The following FAT1 variants were observed in gnomAD, a reference collection of about 807,000 sequenced individuals.
FAT1 encodes FAT atypical cadherin 1.
FAT1 carries 171 observed loss-of-function variants against 329.8 expected under a neutral mutation model. The observed-to-expected ratio is 0.52, with a 90% CI of 0.46 to 0.59. The LOEUF is 0.59. Among genes scored for constraint, FAT1 ranks in the 20% least tolerant of loss-of-function variants. FAT1 has a pLI of 0.00. For missense variants in FAT1, 5,672 were observed against 5,774.4 expected (o/e 0.98, Z 0.57); for synonymous variants, 2,233 against 2,228.6 (o/e 1.00, Z -0.06).
rs772054594 is a variant in FAT1 at position 186,588,875 on chromosome 4, G to A, written c.13484C>T (p.Pro4495Leu). The change falls in exon 27 of 27, where the codon CCC becomes CTC. Residue 4495 changes from proline (P) to leucine (L), a missense_variant. Pro to Leu is a moderately conservative substitution (Grantham distance 98). Around this residue, in one of 2 missense-constraint regions of FAT1, gnomAD observed 1,706 missense variants for 1,859.1 expected, o/e 0.92. Coordinates refer to ENST00000441802, the MANE Select transcript of FAT1 (RefSeq NM_005245.4). Reference protein sequence around the residue: ...NLNQYLPNFYPLDMSEPQTKG... With the variant: ...NLNQYLPNFYLLDMSEPQTKG... ...TGTTTGAGGTTCAGACATATCGAGG[G>A]GATAAAAATTGGGCAAATACTGATT... 1.6e-5 allele frequency: 26 copies of A among 1,613,814 alleles called. No individual in the cohort carries two copies. The East Asian group carries it at 4.7e-4, about 29-fold the overall frequency.
intron 2 of FAT1, among the ~76,000 whole-genome samples, chr4:186,688,354 T>C (rs1385907100): frequency 6.6e-6 from 1 of 152,084 alleles, no homozygotes; most frequent in South Asian, 2.1e-4. Flanking sequence ...GAGAAGCCTG[T>C]AGAAGTTAAT....
At chr4:186,719,471 C>T (rs532393679) in intron 1 of FAT1, among the ~76,000 whole-genome samples, 1 of 152,206 alleles carries the variant, frequency 6.6e-6, no homozygotes, top group African/African-American at 2.4e-5. Flanking sequence ...CAAGGGACAA[C>T]TATATAGACT....
chr4:186,665,141 T>C (rs1191598716), intron 2 of FAT1, among the ~76,000 whole-genome samples: 1 of 152,162 alleles, frequency 6.6e-6, no homozygotes, highest in Non-Finnish European at 1.5e-5. Flanking sequence ...AGCATTACAA[T>C]GATTTGTTAT....
chr4:186,588,495 C>CA lies in FAT1; in HGVS notation c.*96dup, dbSNP rs1359857654. 1.4e-6 allele frequency: 2 copies of CA among 1,450,258 alleles called. No homozygotes were observed. The highest frequency in any genetic ancestry group is 1.4e-5 in the South Asian group (1 of 70,966). The allele number at this position is 1,450,258 out of a possible 1,614,324, so 89.8% of individuals were successfully genotyped here. A position where few individuals can be genotyped will look rare whatever the true frequency, so the allele number is the denominator to read the frequency against. ...GCGCAGCCATGCCCATTCGGCTCACCAAAAAAAGCTTGGAAGCACTGCTGC... is the reference window on the plus strand; with the variant it reads ...GCGCAGCCATGCCCATTCGGCTCACCAAAAAAAAGCTTGGAAGCACTGCTGC... On this transcript the variant is annotated 3_prime_UTR_variant, in exon 27 of 27. Coordinates refer to ENST00000441802, the MANE Select transcript of FAT1 (RefSeq NM_005245.4).
At chr4:186,597,290 C>G (rs1738579237) in intron 24 of FAT1, 119 bp from the exon 25 acceptor site, 2 of 1,144,936 alleles carry the variant, frequency 1.7e-6, no homozygotes, top group African/African-American at 1.6e-5. Flanking sequence ...AGATCAAACC[C>G]AGATAAAAGA....
intron 2 of FAT1, among the ~76,000 whole-genome samples, chr4:186,672,836 C>G (rs1742795580): frequency 6.6e-6 from 1 of 152,148 alleles, no homozygotes; most frequent in Non-Finnish European, 1.5e-5. Context: ...TAAGGGGCAA[C>G]TGAACACAAC....
At chr4:186,706,419 G>T in intron 2 of FAT1, 144 bp downstream of exon 2, 1 of 834,454 alleles carries the variant, frequency 1.2e-6, no homozygotes, top group Non-Finnish European at 1.8e-6. Context: ...ACAGCAGCCG[G>T]GCCAAAAAAA....
At position 186,619,058 on chromosome 4, in the gene FAT1, G is replaced by C. The variant is rs777999215; in HGVS notation, c.7528C>G (p.Leu2510Val). Residue 2510 changes from leucine to valine, a missense_variant, in exon 10 of 27, where the codon CTG becomes GTG. Physicochemically the swap from Leu to Val is conservative, Grantham distance 32. This residue lies in a region of FAT1 where 3,966 missense variants were observed against 3,915.2 expected (regional missense o/e 1.01). Coordinates refer to ENST00000441802, the MANE Select transcript of FAT1 (RefSeq NM_005245.4). ...ELAENAPLHT[L>V]VMEVKTTDGD... The stretch of plus-strand genomic sequence containing the variant: ...TCCGTAGTTTTCACCTCCATCACCA[G>C]GGTATGTAGGGGAGCGTTTTCAGCT... The C allele has an allele frequency of 1.2e-6, 2 of 1,614,008 alleles. No individual in the cohort carries two copies. Among genetic ancestry groups the C allele is most frequent in the African/African-American group, 2.7e-5 (2 of 75,050 alleles).
intron 2 of FAT1, among the ~76,000 whole-genome samples, chr4:186,666,033 T>A (rs1416593505): frequency 2.3e-5 from 2 of 88,794 alleles, no homozygotes; most frequent in Non-Finnish European, 4.1e-5. Context: ...CCGGGGCCTG[T>A]CGTGGGGTGG....
intron 2 of FAT1, among the ~76,000 whole-genome samples, chr4:186,703,282 T>C (rs910681842): frequency 2.1e-4 from 32 of 152,320 alleles, no homozygotes; most frequent in Admixed American, 1.8e-3. Context: ...GACTGTCCGT[T>C]TGGTGACAGA....
At position 186,610,250 on chromosome 4, in the gene FAT1, T is replaced by C. The variant is rs116858819; in HGVS notation, c.9854-235A>G. 3.5e-4 allele frequency among the ~76,000 whole-genome samples: 53 copies of C among 152,268 alleles called. 2 individuals carry two copies. In the East Asian group the frequency reaches 9.8e-3, roughly 28 times the overall value. On this transcript the variant is annotated intron_variant, in intron 14 of 26. Transcript: ENST00000441802. ...TATTCTTCATGATATTTAAATTGCT[T>C]TTCCAGTCAACACCACCTACATCCC... is the stretch of plus-strand genomic sequence containing the variant.
intron 2 of FAT1, among the ~76,000 whole-genome samples, chr4:186,693,325 G>A (rs1017185321): frequency 6.6e-6 from 1 of 152,184 alleles, no homozygotes; most frequent in Admixed American, 6.5e-5. Flanking sequence ...ACAGTACTCG[G>A]CAGCTCCTCT....
intron 5 of FAT1, 25 bp downstream of exon 5, chr4:186,636,560 T>C (rs2126562311): frequency 6.4e-7 from 1 of 1,552,810 alleles, no homozygotes; most frequent in East Asian, 2.3e-5. Flanking sequence ...ATATGAAAAA[T>C]TACAGTACTA....
chr4:186,627,540 T>C (rs1740374848), intron 9 of FAT1, among the ~76,000 whole-genome samples: 1 of 152,098 alleles, frequency 6.6e-6, no homozygotes, highest in Non-Finnish European at 1.5e-5. Context: ...TTTGCTGCCC[T>C]TGCTGCCTCA....
chr4:186,711,969 G>A (rs1744981245), intron 1 of FAT1, among the ~76,000 whole-genome samples: 1 of 152,142 alleles, frequency 6.6e-6, no homozygotes, highest in African/African-American at 2.4e-5. Flanking sequence ...TTAGCAAGCA[G>A]TGTCTTTTGT....
At chr4:186,617,620 C>G in intron 10 of FAT1, 88 bp downstream of exon 10, 5 of 1,096,860 alleles carry the variant, frequency 4.6e-6, no homozygotes, top group Non-Finnish European at 6.3e-6. Context: ...CCTTAAATCC[C>G]CAATTTCCAT....
chr4:186,605,781 G>C (rs1202935710), intron 17 of FAT1, among the ~76,000 whole-genome samples: 1 of 151,828 alleles, frequency 6.6e-6, no homozygotes, highest in East Asian at 1.9e-4. Flanking sequence ...AAGGGGGGAG[G>C]AGAGGGCAGA....
intron 2 of FAT1, among the ~76,000 whole-genome samples, chr4:186,674,600 G>C (rs541868085): frequency 1.3e-5 from 2 of 152,290 alleles, no homozygotes; most frequent in East Asian, 3.9e-4. Flanking sequence ...ACTAAAGGAA[G>C]GCCAAACAGA....
At chr4:186,610,145 G>T in intron 14 of FAT1, 130 bp from the exon 15 acceptor site, 1 of 595,470 alleles carries the variant, frequency 1.7e-6, no homozygotes, top group Non-Finnish European at 2.9e-6. Context: ...ATTTACGTAT[G>T]TTTCCTATTT....
Sources: gnomAD v4.1 joint callset for allele counts (sites outside exome capture counted in the v4.1 genomes callset) on GRCh38, gnomAD v4.1.1 for gene constraint, gnomAD v4.1.1 regional missense constraint, MANE v1.5 for transcripts, NCBI Gene and HGNC (gene_info 2026-07-23, HGNC 2026-07-21) for gene names.